The following LIMCH1 variants were observed in gnomAD, a reference collection of about 807,000 sequenced individuals.
LIMCH1 encodes LIM and calponin homology domains-containing protein 1.
In LIMCH1, 113 loss-of-function variants were observed where a neutral mutation model predicts 176.5. The observed-to-expected ratio is 0.64, with a 90% CI of 0.55 to 0.75. The LOEUF (loss-of-function observed/expected upper bound fraction) is 0.75, where lower values mean the gene tolerates loss of function less well. LIMCH1 is among the 30% of genes least tolerant of loss of function. The pLI, the probability that LIMCH1 is intolerant of heterozygous loss-of-function variation, is 0.00. For synonymous variants in LIMCH1, 619 were observed against 645.9 expected, an observed-to-expected ratio of 0.96 and a Z score of 0.63; for missense variants, 1,674 against 1,814.9, an observed-to-expected ratio of 0.92 and a Z score of 1.41.
chr4:41,476,603 C>G (rs894483027), intron 1 of LIMCH1, among the ~76,000 whole-genome samples: 1 of 152,196 alleles, frequency 6.6e-6, no homozygotes, highest in Non-Finnish European at 1.5e-5. Context: ...GATTTCCTGC[C>G]ATAATACATT....
At chr4:41,626,371 A>C (rs2092951299) in intron 7 of LIMCH1, among the ~76,000 whole-genome samples, 1 of 152,184 alleles carries the variant, frequency 6.6e-6, no homozygotes, top group East Asian at 1.9e-4. Flanking sequence ...CTAAAGAAAA[A>C]GGAACAGTAA....
chr4:41,465,560 C>T (rs1166074188), intron 1 of LIMCH1, among the ~76,000 whole-genome samples: 5 of 152,176 alleles, frequency 3.3e-5, no homozygotes, highest in Non-Finnish European at 7.3e-5. Context: ...TAAAGAAGTT[C>T]GTATGCAGCA....
chr4:41,587,019 C>G (rs1327183018), intron 1 of LIMCH1, among the ~76,000 whole-genome samples: 1 of 152,216 alleles, frequency 6.6e-6, no homozygotes. Flanking sequence ...GTAATGTATG[C>G]TCACTTCATT....
At chr4:41,415,559 C>T (rs2059847786) in intron 1 of LIMCH1, among the ~76,000 whole-genome samples, 1 of 152,184 alleles carries the variant, frequency 6.6e-6, no homozygotes, top group Non-Finnish European at 1.5e-5. Context: ...CTTGCCCATA[C>T]AGCTGTCGTC....
intron 1 of LIMCH1, among the ~76,000 whole-genome samples, chr4:41,570,669 G>C (rs1391062015): frequency 6.6e-6 from 1 of 152,188 alleles, no homozygotes; most frequent in Non-Finnish European, 1.5e-5. Context: ...TTAGTAGGTA[G>C]CTCTGGGCGG....
intron 1 of LIMCH1, among the ~76,000 whole-genome samples, chr4:41,583,050 G>A (rs1197605379): frequency 6.6e-6 from 1 of 152,184 alleles, no homozygotes; most frequent in Non-Finnish European, 1.5e-5. Context: ...ATCCTTCCCT[G>A]TAACTTTTCA....
At position 41,644,515 on chromosome 4, in the gene LIMCH1, T is replaced by G; in HGVS notation, c.2142T>G (p.Phe714Leu). 1 of 1,576,364 alleles carries G rather than the reference T, an allele frequency of 6.3e-7. No individual in the cohort carries two copies. Among genetic ancestry groups the G allele is most frequent in the East Asian group, 2.4e-5 (1 of 42,436 alleles). Reference protein sequence around the residue: ...VSDDAESTSMFDMRCEEEAAV... With the variant: ...VSDDAESTSMLDMRCEEEAAV... ...CCACACTCAGGAGCACCAGCATGTT[T>G]GACATGCGGTGTGAGGAGGAGGCCG... Residue 714 changes from phenylalanine to leucine, a missense_variant, in exon 15 of 32, where the codon TTT (phenylalanine) becomes TTG (leucine). Phe to Leu is a conservative substitution (Grantham distance 22). This residue lies in a region of LIMCH1 where 1,015 missense variants were observed against 1,102.5 expected (regional missense o/e 0.92). Transcript: ENST00000503057.
intron 1 of LIMCH1, among the ~76,000 whole-genome samples, chr4:41,587,011 A>G (rs1442053013): frequency 6.6e-6 from 1 of 152,232 alleles, no homozygotes; most frequent in Non-Finnish European, 1.5e-5. Flanking sequence ...TTAATTAAGT[A>G]ATGTATGCTC....
chr4:41,636,685 A>C (rs1481387438), intron 13 of LIMCH1, among the ~76,000 whole-genome samples: 1 of 152,108 alleles, frequency 6.6e-6, no homozygotes, highest in Non-Finnish European at 1.5e-5. Flanking sequence ...TGGGGCTTAC[A>C]TTTTGGTATA....
At chr4:41,482,312 C>T (rs1325354386) in intron 1 of LIMCH1, among the ~76,000 whole-genome samples, 2 of 152,150 alleles carry the variant, frequency 1.3e-5, no homozygotes, top group African/African-American at 4.8e-5. Context: ...ATGCGACTAC[C>T]CGGGGAAGGA....
intron 3 of LIMCH1, among the ~76,000 whole-genome samples, chr4:41,528,297 G>A (rs73233715): frequency 0.044 from 6,672 of 152,180 alleles, 185 homozygotes; most frequent in Middle Eastern, 0.078. Context: ...GATAAAGGGC[G>A]TACGGGGGTC....
intron 1 of LIMCH1, among the ~76,000 whole-genome samples, chr4:41,421,374 G>C (rs536837732): frequency 1.0e-3 from 155 of 152,322 alleles, no homozygotes; most frequent in Non-Finnish European, 1.3e-3. Flanking sequence ...GATTTGCAGA[G>C]TTGAGACTCA....
intron 1 of LIMCH1, among the ~76,000 whole-genome samples, chr4:41,433,550 G>A (rs562488733): frequency 3.9e-5 from 6 of 152,246 alleles, no homozygotes; most frequent in Admixed American, 2.0e-4. Flanking sequence ...TGGTACCTCA[G>A]TGCTTCTCCA....
intron 1 of LIMCH1, among the ~76,000 whole-genome samples, chr4:41,492,096 A>G (rs2071173625): frequency 1.3e-5 from 2 of 152,164 alleles, no homozygotes; most frequent in Admixed American, 1.3e-4. Flanking sequence ...ACGCCACTGC[A>G]CTCCAGCCTG....
chr4:41,554,727 AT>A (rs2081007935), intron 1 of LIMCH1, among the ~76,000 whole-genome samples: 1 of 152,088 alleles, frequency 6.6e-6, no homozygotes, highest in African/African-American at 2.4e-5. Context: ...GTGAAAAAAA[AT>A]TTTTGTCTTT....
intron 1 of LIMCH1, among the ~76,000 whole-genome samples, chr4:41,484,644 A>C (rs1006993584): frequency 1.8e-4 from 28 of 152,216 alleles, no homozygotes; most frequent in Non-Finnish European, 3.7e-4. Flanking sequence ...TGTTTGTAGG[A>C]GGAAATCACG....
At chr4:41,503,318 G>T (rs946722008) in intron 2 of LIMCH1, among the ~76,000 whole-genome samples, 1 of 152,124 alleles carries the variant, frequency 6.6e-6, no homozygotes, top group African/African-American at 2.4e-5. Context: ...TAGCATGGGC[G>T]CTCTCCACAG....
At chr4:41,670,604 ATTC>A in intron 21 of LIMCH1, 1 of 642,148 alleles carries the variant, frequency 1.6e-6, no homozygotes, top group South Asian at 2.2e-5. Context: ...CTGACTCTCA[ATTC>A]TGGTATTGAC....
At chr4:41,656,209 A>G (rs1403538499) in intron 18 of LIMCH1, among the ~76,000 whole-genome samples, 1 of 152,200 alleles carries the variant, frequency 6.6e-6, no homozygotes, top group Non-Finnish European at 1.5e-5. Context: ...AAAACAGACA[A>G]TCGGATCTTT....
Sources: gnomAD v4.1 joint callset for allele counts (sites outside exome capture counted in the v4.1 genomes callset) on GRCh38, gnomAD v4.1.1 for gene constraint, gnomAD v4.1.1 regional missense constraint, MANE v1.5 for transcripts, NCBI Gene and HGNC (gene_info 2026-07-23, HGNC 2026-07-21) for gene names.